Variants in PPP1R9A observed in about 807,000 individuals in gnomAD.
The protein encoded by PPP1R9A is protein phosphatase 1 regulatory subunit 9A, also known as neurabin-1.
PPP1R9A carries 59 observed loss-of-function variants against 141.9 expected under a neutral mutation model. The ratio of observed to expected loss-of-function variants is 0.42; its 90% CI spans 0.34 to 0.52. The LOEUF (loss-of-function observed/expected upper bound fraction) is 0.52, where lower values mean the gene tolerates loss of function less well. Ranked by LOEUF, PPP1R9A falls within the 20% of genes least tolerant of loss-of-function variation. PPP1R9A has a pLI of 0.10. For synonymous variants in PPP1R9A, 500 were observed against 569.7 expected, an observed-to-expected ratio of 0.88 and a Z score of 1.74; for missense variants, 1,444 against 1,611.9, an observed-to-expected ratio of 0.90 and a Z score of 1.78.
In PPP1R9A at chr7:95,286,294, T is replaced by G; in HGVS notation, c.3698T>G (p.Leu1233Arg). The change falls in exon 18 of 20, where the codon CTC (leucine) becomes CGC (arginine). Residue 1233 changes from leucine to arginine, a missense_variant. Around this residue, in one of 5 missense-constraint regions of PPP1R9A, gnomAD observed 459 missense variants for 513.8 expected, o/e 0.89. Transcript: ENST00000433360. ...GLGAEPKTPG[L>R]SQSLALSSDE... ...GGAGCAGAACCTAAAACACCAGGGC[T>G]CTCTCAGTCCTTAGCACTGTCATCA... 1 of 1,613,528 alleles carries G rather than the reference T, an allele frequency of 6.2e-7. No individual in the cohort carries two copies. Among genetic ancestry groups the G allele is most frequent in the Non-Finnish European group, 8.5e-7 (1 of 1,179,634 alleles).
chr7:95,005,644 A>G (rs927946539), intron 2 of PPP1R9A, among the ~76,000 whole-genome samples: 1 of 152,180 alleles, frequency 6.6e-6, no homozygotes, highest in Non-Finnish European at 1.5e-5. Flanking sequence ...TCATTTTAGG[A>G]TCATTTATAT....
At chr7:95,220,665 C>T (rs1436616917) in intron 7 of PPP1R9A, among the ~76,000 whole-genome samples, 3 of 152,154 alleles carry the variant, frequency 2.0e-5, no homozygotes, top group South Asian at 2.1e-4. Context: ...CTAGCCACAC[C>T]GGGATTGCAG....
chr7:95,077,808 T>C (rs1346119018), intron 2 of PPP1R9A, among the ~76,000 whole-genome samples: 1 of 152,102 alleles, frequency 6.6e-6, no homozygotes. Context: ...AAAAGCATGG[T>C]GAAGAGTAAG....
intron 2 of PPP1R9A, among the ~76,000 whole-genome samples, chr7:95,033,365 T>C (rs115259363): frequency 0.014 from 2,103 of 152,100 alleles, 61 homozygotes; most frequent in African/African-American, 0.049. Flanking sequence ...TTTTTCATTC[T>C]AGTGAGCTAT....
intron 2 of PPP1R9A, among the ~76,000 whole-genome samples, chr7:94,997,084 G>A (rs938040370): frequency 6.6e-6 from 1 of 151,922 alleles, no homozygotes; most frequent in South Asian, 2.1e-4. Context: ...GATTACAGGC[G>A]TGAGCCACCA....
At chr7:94,909,706 C>CTTTT (rs34862598) in intron 1 of PPP1R9A, among the ~76,000 whole-genome samples, 192 bp from the exon 2 acceptor site, 1 of 128,568 alleles carries the variant, frequency 7.8e-6, no homozygotes, top group African/African-American at 2.7e-5. Flanking sequence ...GTGTTTGGAA[C>CTTTT]TTTTTTTTTT....
At chr7:95,251,420 A>G (rs889793917) in intron 10 of PPP1R9A, among the ~76,000 whole-genome samples, 2 of 152,216 alleles carry the variant, frequency 1.3e-5, no homozygotes, top group African/African-American at 4.8e-5. Flanking sequence ...TGACATTGGA[A>G]AAATGGAATT....
intron 2 of PPP1R9A, among the ~76,000 whole-genome samples, chr7:95,062,861 AAGG>A (rs939162626): frequency 1.3e-5 from 2 of 152,128 alleles, no homozygotes; most frequent in African/African-American, 4.8e-5. Flanking sequence ...TCTATTATGA[AAGG>A]AGGAGTGTTG....
intron 2 of PPP1R9A, among the ~76,000 whole-genome samples, chr7:94,974,545 G>A (rs149811369): frequency 6.5e-4 from 99 of 152,286 alleles, no homozygotes; most frequent in Middle Eastern, 3.4e-3. Context: ...AAGAACAAGA[G>A]CATGTCCTTT....
chr7:95,070,167 T>G (rs1813562128), intron 2 of PPP1R9A, among the ~76,000 whole-genome samples: 1 of 152,148 alleles, frequency 6.6e-6, no homozygotes, highest in Non-Finnish European at 1.5e-5. Context: ...TTGTTAACCT[T>G]GATGTAACAT....
At chr7:95,154,948 A>ATCT (rs531316480) in intron 4 of PPP1R9A, 221 of 152,252 alleles carry the variant, frequency 1.5e-3, no homozygotes, top group African/African-American at 5.2e-3. Flanking sequence ...AATCCCTTTA[A>ATCT]TCTTAACAGA....
chr7:95,092,129 G>A (rs987162237), intron 2 of PPP1R9A, among the ~76,000 whole-genome samples: 5 of 152,200 alleles, frequency 3.3e-5, no homozygotes, highest in South Asian at 2.1e-4. Flanking sequence ...GAAGGAAAAC[G>A]CCATTCAAGT....
intron 16 of PPP1R9A, among the ~76,000 whole-genome samples, chr7:95,281,362 C>T (rs1252561808): frequency 2.0e-5 from 3 of 152,148 alleles, no homozygotes; most frequent in Non-Finnish European, 4.4e-5. Flanking sequence ...TTCTGCCTGG[C>T]TCTTCCTCCT....
chr7:95,235,361 G>A (rs1796536988), intron 8 of PPP1R9A, among the ~76,000 whole-genome samples: 1 of 152,040 alleles, frequency 6.6e-6, no homozygotes, highest in Non-Finnish European at 1.5e-5. Flanking sequence ...CTAAGGACAT[G>A]AATGAATAGA....
At chr7:95,011,998 T>C (rs1363952231) in intron 2 of PPP1R9A, among the ~76,000 whole-genome samples, 1 of 152,192 alleles carries the variant, frequency 6.6e-6, no homozygotes, top group African/African-American at 2.4e-5. Context: ...GTTGACTGCA[T>C]GTTTTATATG....
intron 8 of PPP1R9A, among the ~76,000 whole-genome samples, chr7:95,228,296 T>C (rs1348967568): frequency 1.3e-5 from 2 of 152,190 alleles, no homozygotes; most frequent in Non-Finnish European, 2.9e-5. Flanking sequence ...ATGTCCTCAG[T>C]CTTTGTACAA....
At chr7:95,146,313 C>T (rs142243624) in intron 4 of PPP1R9A, among the ~76,000 whole-genome samples, 1,596 of 152,100 alleles carry the variant, frequency 0.01, 25 homozygotes, top group African/African-American at 0.037. Context: ...GAAAAGTGCC[C>T]GTTCATATCC....
chr7:95,278,727 T>G (rs1442010340), intron 16 of PPP1R9A, among the ~76,000 whole-genome samples: 1 of 152,178 alleles, frequency 6.6e-6, no homozygotes, highest in Non-Finnish European at 1.5e-5. Flanking sequence ...AGTAAAATTG[T>G]TACTTAAAAT....
intron 2 of PPP1R9A, among the ~76,000 whole-genome samples, chr7:94,944,418 T>G (rs140494196): frequency 1.3e-5 from 2 of 152,080 alleles, no homozygotes; most frequent in Non-Finnish European, 2.9e-5. Flanking sequence ...TTTAGCGAAG[T>G]AGTTTGTGAC....
Sources: allele counts gnomAD v4.1 joint callset (sites outside exome capture counted in the v4.1 genomes callset), GRCh38; gene constraint gnomAD v4.1.1; regional missense constraint gnomAD v4.1.1; transcripts MANE v1.5; gene names NCBI Gene and HGNC (gene_info 2026-07-23, HGNC 2026-07-21).